The following CDH18 variants were observed in gnomAD, a reference collection of about 807,000 sequenced individuals.
CDH18 encodes cadherin-18.
A neutral mutation model predicts 67.9 loss-of-function variants in CDH18; 31 were observed. The ratio of observed to expected loss-of-function variants is 0.46; its 90% CI spans 0.34 to 0.62. The LOEUF (loss-of-function observed/expected upper bound fraction) is 0.62. Among genes scored for constraint, CDH18 ranks in the 20% least tolerant of loss-of-function variants. CDH18 has a pLI of 0.01. For synonymous variants in CDH18, 362 were observed against 347.2 expected, an observed-to-expected ratio of 1.04 and a Z score of -0.48; for missense variants, 890 against 975.5, an observed-to-expected ratio of 0.91 and a Z score of 1.17.
intron 1 of CDH18, among the ~76,000 whole-genome samples, chr5:20,347,788 CA>C (rs2150052671): frequency 6.6e-6 from 1 of 152,284 alleles, no homozygotes; most frequent in East Asian, 1.9e-4. Flanking sequence ...CAAGCATGTG[CA>C]GATGCAACAC....
At chr5:19,535,944 T>C (rs1371443365) in intron 9 of CDH18, among the ~76,000 whole-genome samples, 2 of 152,192 alleles carry the variant, frequency 1.3e-5, no homozygotes, top group East Asian at 1.9e-4. Context: ...TTACATTTAG[T>C]GCACAGAACA....
intron 1 of CDH18, among the ~76,000 whole-genome samples, chr5:20,510,612 T>C (rs1042378244): frequency 1.3e-5 from 2 of 152,162 alleles, no homozygotes; most frequent in African/African-American, 2.4e-5. Flanking sequence ...GATTCTATCA[T>C]GTTTTTGAAA....
intron 1 of CDH18, among the ~76,000 whole-genome samples, chr5:20,286,534 T>C (rs781342200): frequency 2.0e-5 from 3 of 151,882 alleles, no homozygotes; most frequent in South Asian, 2.1e-4. Context: ...CCTTGGTACT[T>C]GGAGCTATTT....
intron 1 of CDH18, among the ~76,000 whole-genome samples, chr5:20,429,889 G>T (rs1392812410): frequency 1.3e-5 from 2 of 152,072 alleles, no homozygotes; most frequent in Non-Finnish European, 2.9e-5. Context: ...TATTTATTCA[G>T]CAAAGTAATT....
At chr5:19,901,258 C>T (rs184367083) in intron 2 of CDH18, among the ~76,000 whole-genome samples, 1 of 151,610 alleles carries the variant, frequency 6.6e-6, no homozygotes, top group African/African-American at 2.4e-5. Flanking sequence ...TTTTAAATGC[C>T]ATTGATAATT....
chr5:19,761,831 A>C (rs557349596), intron 3 of CDH18, among the ~76,000 whole-genome samples: 54 of 152,330 alleles, frequency 3.5e-4, no homozygotes, highest in African/African-American at 1.3e-3. Context: ...ATACTACCTG[A>C]CTTCAAACTA....
At chr5:20,122,570 A>G (rs1162234203) in intron 2 of CDH18, among the ~76,000 whole-genome samples, 1 of 152,026 alleles carries the variant, frequency 6.6e-6, no homozygotes, top group Non-Finnish European at 1.5e-5. Flanking sequence ...TTAATATTAA[A>G]TTAATATTTG....
At chr5:19,668,390 CAAAT>C (rs1036656852) in intron 5 of CDH18, among the ~76,000 whole-genome samples, 19 of 151,640 alleles carry the variant, frequency 1.3e-4, no homozygotes, top group African/African-American at 4.6e-4. Flanking sequence ...CATTAAAAAA[CAAAT>C]AAGATGATAA....
chr5:19,996,323 C>T (rs1736017150), intron 2 of CDH18, among the ~76,000 whole-genome samples: 1 of 151,966 alleles, frequency 6.6e-6, no homozygotes, highest in Non-Finnish European at 1.5e-5. Context: ...AAATTATCAG[C>T]ATTATATTCT....
intron 1 of CDH18, among the ~76,000 whole-genome samples, chr5:20,339,029 A>G (rs1740022984): frequency 6.6e-6 from 1 of 152,192 alleles, no homozygotes; most frequent in Admixed American, 6.5e-5. Flanking sequence ...AAAAGAAGAC[A>G]GAGGATGCCT....
At chr5:20,170,515 G>A (rs1414610193) in intron 2 of CDH18, among the ~76,000 whole-genome samples, 1 of 151,866 alleles carries the variant, frequency 6.6e-6, no homozygotes, top group Admixed American at 6.6e-5. Flanking sequence ...ATATAAATAT[G>A]TAAAATATAT....
intron 6 of CDH18, among the ~76,000 whole-genome samples, chr5:19,593,696 T>C (rs796104438): frequency 0.08 from 1,319 of 16,586 alleles, 127 homozygotes; most frequent in African/African-American, 0.13. Context: ...TCTCTTCCTC[T>C]TCCTCCTCCT....
intron 1 of CDH18, among the ~76,000 whole-genome samples, chr5:20,341,587 G>A (rs1561987854): frequency 1.3e-5 from 2 of 151,610 alleles, no homozygotes; most frequent in African/African-American, 4.9e-5. Context: ...AGAACTAATA[G>A]GATATGTATA....
chr5:20,201,651 T>C (rs1248613844), intron 2 of CDH18, among the ~76,000 whole-genome samples: 3 of 152,040 alleles, frequency 2.0e-5, no homozygotes, highest in Non-Finnish European at 2.9e-5. Context: ...AATAAATATA[T>C]AATACATGAA....
chr5:20,210,329 T>C lies in CDH18; in HGVS notation c.-518+45115A>G, dbSNP rs969217919. Among the ~76,000 whole-genome samples the C allele has an allele frequency of 2.0e-5, 3 of 151,860 alleles. No individual in the cohort carries two copies. The East Asian group carries it at 5.8e-4, about 29-fold the overall frequency. ...TCTTAGTGAACAGAAAGCCAAAGAG[T>C]TTTCTTAGTTGTTTTCAGGTTCCTG... On this transcript the variant is annotated intron_variant, in intron 2 of 14. Transcript: ENST00000507958.
Position 20,492,122 on chromosome 5 carries a change from ATACTG to A in CDH18, c.-580+83335_-580+83339del, listed in dbSNP as rs1455917854. Reference sequence around the variant, plus strand: ...AAATTATTTACGTATTCTGAGGGCCATACTGTACCTCCCTTTTGGGGTATAATCTC... The same window carrying A: ...AAATTATTTACGTATTCTGAGGGCCATACCTCCCTTTTGGGGTATAATCTC... On this transcript the variant is annotated intron_variant, in intron 1 of 14. Coordinates refer to the CDH18 transcript ENST00000507958. Among the ~76,000 whole-genome samples, 5 of 152,240 alleles carry A rather than the reference ATACTG, an allele frequency of 3.3e-5. No homozygotes were observed. In the South Asian group the frequency reaches 8.3e-4, roughly 25 times the overall value.
At chr5:20,084,942 C>T (rs576145817) in intron 2 of CDH18, among the ~76,000 whole-genome samples, 1 of 152,284 alleles carries the variant, frequency 6.6e-6, no homozygotes, top group East Asian at 1.9e-4. Context: ...AGACCTCTGA[C>T]ATGCCCTGGA....
intron 1 of CDH18, among the ~76,000 whole-genome samples, chr5:20,323,632 C>T (rs989066793): frequency 3.9e-5 from 6 of 152,190 alleles, no homozygotes; most frequent in African/African-American, 1.4e-4. Context: ...TTCTGGTATA[C>T]ATCATATCCA....
chr5:19,693,420 C>T lies in CDH18; in HGVS notation c.643+27927G>A, dbSNP rs566951974. Among the ~76,000 whole-genome samples, 238 of 152,268 alleles carry T rather than the reference C, an allele frequency of 1.6e-3. 1 individual carries two copies. Among genetic ancestry groups the T allele is most frequent in the Non-Finnish European group, 2.5e-3 (170 of 68,014 alleles). On this transcript the variant is annotated intron_variant, in intron 5 of 12. Transcript: ENST00000382275. The stretch of plus-strand genomic sequence containing the variant: ...ACCATCTAAAACATCTGAAGTGCAT[C>T]TTTCTTGGACATTTCTAATTGGGAA...
Sources: gnomAD v4.1 joint callset for allele counts (sites outside exome capture counted in the v4.1 genomes callset) on GRCh38, gnomAD v4.1.1 for gene constraint, MANE v1.5 for transcripts, NCBI Gene and HGNC (gene_info 2026-07-23, HGNC 2026-07-21) for gene names.